The following ATP2A3 variants were observed in gnomAD, a reference collection of about 807,000 sequenced individuals.
The protein encoded by ATP2A3 is ATPase sarcoplasmic/endoplasmic reticulum Ca2+ transporting 3.
ATP2A3 carries 61 observed loss-of-function variants against 106.8 expected under a neutral mutation model. The observed-to-expected ratio is 0.57, with a 90% confidence interval of 0.46 to 0.71. ATP2A3 has a LOEUF of 0.71. Among genes scored for constraint, ATP2A3 ranks in the 30% least tolerant of loss-of-function variants. ATP2A3 has a pLI of 0.00. For synonymous variants in ATP2A3, 611 were observed against 609.3 expected (o/e 1.00, Z -0.04); for missense variants, 1,201 against 1,423.5 (o/e 0.84, Z 2.52).
intron 3 of ATP2A3, among the ~76,000 whole-genome samples, chr17:3,952,140 G>A (rs1387637139): frequency 1.3e-5 from 2 of 152,054 alleles, no homozygotes; most frequent in South Asian, 2.1e-4. Flanking sequence ...GCTGGAGTGC[G>A]GTGGCTGGAT....
intron 17 of ATP2A3, among the ~76,000 whole-genome samples, chr17:3,932,811 G>C (rs1216072442): frequency 1.3e-5 from 2 of 151,690 alleles, no homozygotes. Flanking sequence ...CAGTGACCGA[G>C]AGGACCAAAT....
chr17:3,933,098 A>G (rs1256453821), intron 17 of ATP2A3, among the ~76,000 whole-genome samples: 2 of 151,452 alleles, frequency 1.3e-5, no homozygotes, highest in Non-Finnish European at 2.9e-5. Context: ...CCTGGCCAAC[A>G]TGGTGAAACT....
rs2054572010 is a variant in ATP2A3 at position 3,953,442 on chromosome 17, G to T, written c.137-13C>A. 2 of 1,613,476 alleles carry T rather than the reference G, an allele frequency of 1.2e-6. No individual in the cohort carries two copies. Among genetic ancestry groups the T allele is most frequent in the Admixed American group, 1.7e-5 (1 of 60,006 alleles). On this transcript the variant is annotated splice_polypyrimidine_tract_variant and intron_variant, in intron 2 of 20. Transcript: ENST00000397041. This position sits in a 1 kb window ranked among gnomAD's most constrained non-coding sequence, Gnocchi z 5.1. ...CACAGGGACTTCCCTGGGAACGGGG[G>T]TCATGTGTGAGGCTGGGCCCCCACC...
chr17:3,935,254 C>A lies in ATP2A3; in HGVS notation c.2548G>T (p.Ala850Ser), dbSNP rs1204899852. The A allele has an allele frequency of 6.2e-7, 1 of 1,613,848 alleles. No homozygotes were observed. Among genetic ancestry groups the A allele is most frequent in the Admixed American group, 1.7e-5 (1 of 60,032 alleles). Residue 850 changes from alanine (A) to serine (S), a missense_variant, in exon 17 of 21, where the codon GCT (alanine) becomes TCT (serine). Coordinates refer to ENST00000397041, the MANE Select transcript of ATP2A3 (RefSeq NM_005173.4). ...TACACAAACCACCAGGTGGCGGCAGCCACTGTGGCCAGGCCTACGTACACT... is the reference window on the plus strand; with the variant it reads ...TACACAAACCACCAGGTGGCGGCAGACACTGTGGCCAGGCCTACGTACACT... Reference protein sequence around the residue: ...IGVYVGLATVAAATWWFVYDA... With the variant: ...IGVYVGLATVSAATWWFVYDA...
chr17:3,957,518 CA>C (rs1028262962), intron 1 of ATP2A3, among the ~76,000 whole-genome samples: 3 of 152,236 alleles, frequency 2.0e-5, no homozygotes, highest in Non-Finnish European at 4.4e-5. Context: ...TCCTCCTGTC[CA>C]AAAGGCCCTG....
Position 3,930,537 on chromosome 17 carries a change from A to G in ATP2A3, c.2611-103T>C. 1 of 1,536,506 alleles carries G rather than the reference A, an allele frequency of 6.5e-7. No individual in the cohort carries two copies. Among genetic ancestry groups the G allele is most frequent in the South Asian group, 1.1e-5 (1 of 87,042 alleles). ...CTGCCCTTGGCCCACGCCTGGGCAC[A>G]ACCAGCACACAAAACACTGCCGTGG... On this transcript the variant is annotated intron_variant, in intron 17 of 20. Coordinates refer to ENST00000397041, the MANE Select transcript of ATP2A3 (RefSeq NM_005173.4). The surrounding 1 kb of genome is among the most constrained non-coding windows in gnomAD (Gnocchi z 5.4).
Position 3,925,394 on chromosome 17 carries a change from AC to A in ATP2A3, c.*27del, listed in dbSNP as rs2052645824. On this transcript the variant is annotated 3_prime_UTR_variant, in exon 21 of 21. Transcript: ENST00000397041. The surrounding 1 kb of genome is among the most constrained non-coding windows in gnomAD (Gnocchi z 4.2). ...TGGGCACCATCAGTCTGAGGTACACACCGGAGACTCCACTCTGTTCCCAGCG... is the reference window on the plus strand; with the variant it reads ...TGGGCACCATCAGTCTGAGGTACACACGGAGACTCCACTCTGTTCCCAGCG... 1 of 1,613,814 alleles carries A rather than the reference AC, an allele frequency of 6.2e-7. No homozygotes were observed. Among genetic ancestry groups the A allele is most frequent in the African/African-American group, 1.3e-5 (1 of 74,968 alleles).
At chr17:3,934,250 G>T (rs2144336054) in intron 17 of ATP2A3, among the ~76,000 whole-genome samples, 1 of 151,960 alleles carries the variant, frequency 6.6e-6, no homozygotes, top group East Asian at 1.9e-4. Flanking sequence ...TAGAGACAGG[G>T]TCTTACTCTG....
In ATP2A3 at chr17:3,941,673, G is replaced by C; in HGVS notation, c.1546-19C>G. On this transcript the variant is annotated intron_variant, in intron 12 of 20. Coordinates refer to ENST00000397041, the MANE Select transcript of ATP2A3 (RefSeq NM_005173.4). ...GAGCCCCCTGCGAGGTGGGGAGAGG[G>C]AGAAGAGGTAACTCATCAGTCAGAA... 5.6e-6 allele frequency: 9 copies of C among 1,602,016 alleles called. No individual in the cohort carries two copies. Among genetic ancestry groups the C allele is most frequent in the Non-Finnish European group, 7.6e-6 (9 of 1,179,478 alleles).
At chr17:3,964,043 G>T in intron 1 of ATP2A3, 131 bp downstream of exon 1, 1 of 376,026 alleles carries the variant, frequency 2.7e-6, no homozygotes, top group East Asian at 1.0e-4. Flanking sequence ...GGTGCCCCAG[G>T]AGCATCCGAA....
chr17:3,936,244 C>CGGAG lies in ATP2A3; in HGVS notation c.2524+19_2524+22dup, dbSNP rs1468566489. On this transcript the variant is annotated intron_variant, in intron 16 of 20. Coordinates refer to ENST00000397041, the MANE Select transcript of ATP2A3 (RefSeq NM_005173.4). The surrounding 1 kb of genome is among the most constrained non-coding windows in gnomAD (Gnocchi z 5.4). ...GCTCTTAGGAAGCTTAGGAATTCCACGGAGGGCTCAGGCCCCACTCACCTC... is the reference window on the plus strand; with the variant it reads ...GCTCTTAGGAAGCTTAGGAATTCCACGGAGGGAGGGCTCAGGCCCCACTCACCTC... 1 of 1,613,144 alleles carries CGGAG rather than the reference C, an allele frequency of 6.2e-7. No homozygotes were observed. Among genetic ancestry groups the CGGAG allele is most frequent in the African/African-American group, 1.3e-5 (1 of 74,856 alleles).
rs779545838 is a variant in ATP2A3, at chr17:3,950,567, C to G, written c.574G>C (p.Glu192Gln). 28 of 1,614,180 alleles carry G rather than the reference C, an allele frequency of 1.7e-5. No homozygotes were observed. Among genetic ancestry groups the G allele is most frequent in the Non-Finnish European group, 2.4e-5 (28 of 1,180,038 alleles). Residue 192 changes from glutamate to glutamine, a missense_variant, in exon 7 of 21, where the codon GAG becomes CAG. Around this residue, in one of 2 missense-constraint regions of ATP2A3, gnomAD observed 935 missense variants for 1,176.7 expected, o/e 0.79. Transcript: ENST00000397041. ...ACAGCTCTGGGGTCTGGGATGGCCT[C>G]TGTGTGCTTGGTCACGGACACAGAT... Reference protein sequence around the residue: ...GESVSVTKHTEAIPDPRAVNQ... With the variant: ...GESVSVTKHTQAIPDPRAVNQ...
chr17:3,937,728 ATGT>A, intron 14 of ATP2A3, 92 bp from the exon 15 acceptor site: 2 of 1,288,562 alleles, frequency 1.6e-6, no homozygotes, highest in Non-Finnish European at 1.1e-6. Context: ...ATCTTAGGGG[ATGT>A]TCCAAAGGAA....
rs2053009605 is a variant in ATP2A3 at position 3,930,489 on chromosome 17, G to A, written c.2611-55C>T. On this transcript the variant is annotated intron_variant, in intron 17 of 20. Coordinates refer to ENST00000397041, the MANE Select transcript of ATP2A3 (RefSeq NM_005173.4). The surrounding 1 kb of genome is among the most constrained non-coding windows in gnomAD (Gnocchi z 5.4). ...CGGCAGGTCAGGCGAGGGGCTGGTGGGTGGGAGGAGGGAAGCCTCATCCTG... is the reference window on the plus strand; with the variant it reads ...CGGCAGGTCAGGCGAGGGGCTGGTGAGTGGGAGGAGGGAAGCCTCATCCTG... 8.1e-6 allele frequency: 13 copies of A among 1,607,614 alleles called. No homozygotes were observed. Among genetic ancestry groups the A allele is most frequent in the African/African-American group, 1.3e-5 (1 of 75,024 alleles).
chr17:3,948,072 ATCGCCGTATCCCC>A (rs2054218106), intron 7 of ATP2A3, among the ~76,000 whole-genome samples: 1 of 152,164 alleles, frequency 6.6e-6, no homozygotes, highest in African/African-American at 2.4e-5. Context: ...GTTTGGGTTC[ATCGCCGTATCCCC>A]AGTGCCTAGC....
Position 3,951,237 on chromosome 17 carries a change from A to C in ATP2A3, c.463+14T>G, listed in dbSNP as rs201392202. ...TAAAATAAAATAAAATAAAAGGAGG[A>C]GGCCCCGGCATACCTGCCACTTCTA... is the stretch of plus-strand genomic sequence containing the variant. On this transcript the variant is annotated intron_variant, in intron 5 of 20. Coordinates refer to ENST00000397041, the MANE Select transcript of ATP2A3 (RefSeq NM_005173.4). 1.5e-4 allele frequency: 221 copies of C among 1,460,552 alleles called. 1 individual carries two copies. The East Asian group carries it at 2.7e-3, about 18-fold the overall frequency. The allele number at this position is 1,460,552 out of a possible 1,614,324, so 90.5% of individuals were successfully genotyped here.
At position 3,928,031 on chromosome 17, in the gene ATP2A3, C is replaced by T. The variant is rs1597560539; in HGVS notation, c.2980+632G>A. 1 of 1,614,110 alleles carries T rather than the reference C, an allele frequency of 6.2e-7. No individual in the cohort carries two copies. The highest frequency in any genetic ancestry group is 8.5e-7 in the Non-Finnish European group (1 of 1,180,028). Reference sequence around the variant, plus strand: ...CTCTGACAGCGAGACGATGCTGTGTCCCTGGCCCTTGGAAGTTCAGAATCA... The same window carrying T: ...CTCTGACAGCGAGACGATGCTGTGTTCCTGGCCCTTGGAAGTTCAGAATCA... On this transcript the variant is annotated intron_variant, in intron 20 of 20. Coordinates refer to ENST00000397041, the MANE Select transcript of ATP2A3 (RefSeq NM_005173.4). This position sits in a 1 kb window ranked among gnomAD's most constrained non-coding sequence, Gnocchi z 6.1.
Position 3,930,623 on chromosome 17 carries a change from G to T in ATP2A3, c.2611-189C>A. ...GGGCGGCGGTGGGGAGAGCTGCACC[G>T]TGCCAGGGAGAAGCAAGGGCACAGC... On this transcript the variant is annotated intron_variant, in intron 17 of 20. Coordinates refer to ENST00000397041, the MANE Select transcript of ATP2A3 (RefSeq NM_005173.4). The surrounding 1 kb of genome is among the most constrained non-coding windows in gnomAD (Gnocchi z 5.4). 1.3e-6 allele frequency: 1 copy of T among 769,304 alleles called. No individual in the cohort carries two copies. The allele number at this position is 769,304 out of a possible 1,614,324, so 47.7% of individuals were successfully genotyped here. A position where few individuals can be genotyped will look rare whatever the true frequency, so the allele number is the denominator to read the frequency against.
In ATP2A3 at chr17:3,931,742, A is replaced by C. The variant is rs371654112; in HGVS notation, c.2611-1308T>G. Among the ~76,000 whole-genome samples the C allele has an allele frequency of 1.2e-3, 189 of 152,180 alleles. 1 individual carries two copies. Among genetic ancestry groups the C allele is most frequent in the Middle Eastern group, 3.4e-3 (1 of 294 alleles). On this transcript the variant is annotated intron_variant, in intron 17 of 20. Transcript: ENST00000397041. ...TTCACCGTGTTAGCCAGGATGGTCT[A>C]GAACTCCTGACCTCGTGATCCGCCC...
Sources: allele counts gnomAD v4.1 joint callset (sites outside exome capture counted in the v4.1 genomes callset), GRCh38; gene constraint gnomAD v4.1.1; regional missense constraint gnomAD v4.1.1; non-coding constraint Gnocchi (gnomAD v3.1); transcripts MANE v1.5; gene names NCBI Gene and HGNC (gene_info 2026-07-23, HGNC 2026-07-21).